Variants in SCNN1B observed in about 807,000 individuals in gnomAD.
The protein encoded by SCNN1B is sodium channel epithelial 1 subunit beta, also known as epithelial sodium channel subunit beta.
Under a neutral mutation model 65.3 loss-of-function variants are expected in SCNN1B, and 46 were observed. The ratio of observed to expected loss-of-function variants is 0.70; its 90% confidence interval spans 0.56 to 0.90. The LOEUF (loss-of-function observed/expected upper bound fraction) is 0.90. Ranked by LOEUF, SCNN1B falls within the 40% of genes least tolerant of loss-of-function variation. The probability of loss-of-function intolerance (pLI) is 0.00; values close to 1 mark genes in which losing one functional copy is unlikely to be tolerated. For missense variants in SCNN1B, 751 were observed against 830.5 expected, an observed-to-expected ratio of 0.90 and a Z score of 1.18; for synonymous variants, 349 against 330.6, an observed-to-expected ratio of 1.06 and a Z score of -0.60.
At chr16:23,349,430 TG>T (rs1962261787) in intron 2 of SCNN1B, among the ~76,000 whole-genome samples, 1 of 152,072 alleles carries the variant, frequency 6.6e-6, no homozygotes, top group African/African-American at 2.4e-5. Flanking sequence ...GAGGCTGCAG[TG>T]GGCTGAGATG....
chr16:23,307,887 A>G (rs891785227), intron 1 of SCNN1B, among the ~76,000 whole-genome samples: 1 of 151,920 alleles, frequency 6.6e-6, no homozygotes, highest in Admixed American at 6.6e-5. Flanking sequence ...CTACAAAAAA[A>G]TTCAAAAATT....
intron 5 of SCNN1B, 52 bp downstream of exon 5, chr16:23,368,011 A>T: frequency 2.3e-6 from 3 of 1,330,028 alleles, no homozygotes; most frequent in Non-Finnish European, 3.3e-6. Flanking sequence ...AACCACCCCC[A>T]CAATGTGGGA....
chr16:23,288,572 G>A (rs972471221), intron 2 of SCNN1B, among the ~76,000 whole-genome samples: 1 of 152,206 alleles, frequency 6.6e-6, no homozygotes, highest in African/African-American at 2.4e-5. Flanking sequence ...GGGAGGCCAA[G>A]GTGGGAGGAT....
intron 4 of SCNN1B, among the ~76,000 whole-genome samples, chr16:23,365,551 AGGAAAG>A (rs140906631): frequency 0.1 from 8,329 of 83,218 alleles, 1,108 homozygotes; most frequent in African/African-American, 0.37. Flanking sequence ...AAGAGAAAGA[AGGAAAG>A]AGAAAGAAAG....
At position 23,291,475 on chromosome 16, in the gene SCNN1B, A is replaced by AGTGTGT. The variant is rs71858801; in HGVS notation, n.178+7694_178+7699dup. On this transcript the variant is annotated intron_variant and non_coding_transcript_variant, in intron 2 of 3. Transcript: ENST00000569789. Reference sequence around the variant, plus strand: ...ATCCATATATATATGTGTGTGTGTAAGTGTGTGTGTGTGTGTGTGTGTGTG... The same window carrying AGTGTGT: ...ATCCATATATATATGTGTGTGTGTAAGTGTGTGTGTGTGTGTGTGTGTGTGTGTGTG... Among the ~76,000 whole-genome samples the AGTGTGT allele has an allele frequency of 4.7e-3, 689 of 145,550 alleles. 1 individual carries two copies. Among genetic ancestry groups the AGTGTGT allele is most frequent in the African/African-American group, 0.013 (505 of 39,652 alleles).
chr16:23,380,489 C>T lies in SCNN1B; in HGVS notation c.1611C>T (p.Leu537=), dbSNP rs1389585791. The change falls in exon 13 of 13, where the codon CTC becomes CTT. Residue 537 remains leucine (L), a synonymous_variant. Transcript: ENST00000343070. The surrounding 1 kb of genome is among the most constrained non-coding windows in gnomAD (Gnocchi z 5.4). ...GGATGGGGGGCTCTGTGCTGTGCCT[C>T]ATCGAGTTTGGGGAGATCATCATCG... ...GFWMGGSVLC[L]IEFGEIIIDF... is the part of the protein sequence containing the mutation. 4 of 1,614,226 alleles carry T rather than the reference C, an allele frequency of 2.5e-6. No individual in the cohort carries two copies. The highest frequency in any genetic ancestry group is 8.5e-7 in the Non-Finnish European group (1 of 1,180,042).
intron 1 of SCNN1B, among the ~76,000 whole-genome samples, chr16:23,342,677 A>ATC (rs1962077610): frequency 6.6e-6 from 1 of 151,672 alleles, no homozygotes; most frequent in African/African-American, 2.4e-5. Flanking sequence ...AAAAAAAAAA[A>ATC]TCTCCTAGTG....
Position 23,360,762 on chromosome 16 carries a change from ATTTTTGG to A in SCNN1B, c.776+5299_776+5305del, listed in dbSNP as rs1158895088. On this transcript the variant is annotated intron_variant, in intron 4 of 12. Coordinates refer to ENST00000343070, the MANE Select transcript of SCNN1B (RefSeq NM_000336.3). The stretch of plus-strand genomic sequence containing the variant: ...AGGCATGCACCACCACACCTGGCTA[ATTTTTGG>A]TTTTTGGTTTTTGGTTTTTGGTTTT... Among the ~76,000 whole-genome samples the A allele has an allele frequency of 1.3e-3, 197 of 150,838 alleles. 1 individual carries two copies. The highest frequency in any genetic ancestry group is 2.2e-3 in the Non-Finnish European group (150 of 67,646).
intron 7 of SCNN1B, among the ~76,000 whole-genome samples, chr16:23,374,375 A>C (rs1962847747): frequency 6.6e-6 from 1 of 150,786 alleles, no homozygotes; most frequent in Non-Finnish European, 1.5e-5. Context: ...GGAGTTCGAG[A>C]CCAGCCTGGC....
chr16:23,364,947 G>A (rs767327402), intron 4 of SCNN1B, among the ~76,000 whole-genome samples: 7 of 152,106 alleles, frequency 4.6e-5, no homozygotes, highest in Non-Finnish European at 8.8e-5. Flanking sequence ...CCAACATGGT[G>A]AAACCCCATA....
intron 2 of SCNN1B, among the ~76,000 whole-genome samples, chr16:23,289,379 A>G (rs147029595): frequency 2.6e-4 from 40 of 152,264 alleles, no homozygotes; most frequent in Non-Finnish European, 5.0e-4. Flanking sequence ...ATGTAGCAAG[A>G]TCCCATCTCT....
intron 7 of SCNN1B, among the ~76,000 whole-genome samples, chr16:23,373,001 G>T (rs1251866204): frequency 1.3e-5 from 2 of 152,044 alleles, no homozygotes; most frequent in Non-Finnish European, 2.9e-5. Context: ...CAGCTGTGCA[G>T]GGGGCTGAGG....
chr16:23,348,243 C>T lies in SCNN1B; in HGVS notation c.-8-349C>T, dbSNP rs561927258. 6.6e-5 allele frequency among the ~76,000 whole-genome samples: 10 copies of T among 152,254 alleles called. No individual in the cohort carries two copies. The highest frequency in any genetic ancestry group is 2.0e-4 in the Admixed American group (3 of 15,286). On this transcript the variant is annotated intron_variant, in intron 1 of 12. Transcript: ENST00000343070. This position sits in a 1 kb window ranked among gnomAD's most constrained non-coding sequence, Gnocchi z 4.5. ...GACTTGCTATACCACATTTTATGCA[C>T]AGAGAACCTGAGTTGAGAGTTTAAG...
rs72654304 is a variant in SCNN1B at position 23,323,510 on chromosome 16, C to T, written c.-9+21073C>T. The T allele has an allele frequency of 1.6e-3, 1,096 of 702,834 alleles. 14 individuals are homozygous for T. The highest frequency in any genetic ancestry group is 0.016 in the African/African-American group (890 of 57,370). 43.5% of individuals were successfully genotyped at this position (702,834 alleles called of 1,614,324 possible). ...CTTCATATTTACAATTTAATCTTCA[C>T]ATCAACTCAATGAACTCAGTACTAT... On this transcript the variant is annotated intron_variant, in intron 1 of 12. Coordinates refer to ENST00000343070, the MANE Select transcript of SCNN1B (RefSeq NM_000336.3).
chr16:23,327,084 C>A (rs894626426), intron 1 of SCNN1B, among the ~76,000 whole-genome samples: 1 of 151,790 alleles, frequency 6.6e-6, no homozygotes, highest in East Asian at 2.0e-4. Context: ...GCTCAGCTAA[C>A]GTTTTTATTT....
At position 23,348,654 on chromosome 16, in the gene SCNN1B, G is replaced by A. The variant is rs770978463; in HGVS notation, c.55G>A (p.Gly19Ser). The A allele has an allele frequency of 5.6e-6, 9 of 1,613,594 alleles. No individual in the cohort carries two copies. Among genetic ancestry groups the A allele is most frequent in the East Asian group, 2.2e-5 (1 of 44,894 alleles). ...KGLHRLQKGP[G>S]YTYKELLVWY... ...CCTGCATCGGCTGCAGAAGGGCCCCGGCTACACGTACAAGGAGCTGCTGGT... is the reference window on the plus strand; with the variant it reads ...CCTGCATCGGCTGCAGAAGGGCCCCAGCTACACGTACAAGGAGCTGCTGGT... Residue 19 changes from glycine to serine, a missense_variant, in exon 2 of 13, where the codon GGC becomes AGC. Physicochemically the swap from Gly to Ser is moderately conservative, Grantham distance 56 (BLOSUM62 0). Transcript: ENST00000343070. This position sits in a 1 kb window ranked among gnomAD's most constrained non-coding sequence, Gnocchi z 4.5.
intron 1 of SCNN1B, among the ~76,000 whole-genome samples, chr16:23,335,762 T>A (rs1596847233): frequency 6.6e-6 from 1 of 151,114 alleles, no homozygotes; most frequent in African/African-American, 2.4e-5. Context: ...TTTTTTTTTT[T>A]AACATAAATG....
intron 4 of SCNN1B, among the ~76,000 whole-genome samples, chr16:23,356,956 G>A (rs1195353941): frequency 6.6e-6 from 1 of 152,202 alleles, no homozygotes; most frequent in African/African-American, 2.4e-5. Flanking sequence ...AGGATGGGCA[G>A]GAACACTGCT....
chr16:23,371,660 CCT>C (rs1491330652), intron 6 of SCNN1B, 114 bp from the exon 7 acceptor site: 63 of 1,044,924 alleles, frequency 6.0e-5, no homozygotes, highest in Non-Finnish European at 8.4e-5. Flanking sequence ...TGGCGCCCCC[CCT>C]GGCACCTGCA....
Sources: allele counts gnomAD v4.1 joint callset (sites outside exome capture counted in the v4.1 genomes callset), GRCh38; gene constraint gnomAD v4.1.1; non-coding constraint Gnocchi (gnomAD v3.1); transcripts MANE v1.5; gene names NCBI Gene and HGNC (gene_info 2026-07-23, HGNC 2026-07-21).